The following FILIP1L variants were observed in gnomAD, a reference collection of about 807,000 sequenced individuals.
FILIP1L encodes filamin A-interacting protein 1-like.
Under a neutral mutation model 96.6 loss-of-function variants are expected in FILIP1L, and 55 were observed. The observed-to-expected ratio is 0.57, with a 90% CI of 0.46 to 0.71. The LOEUF (loss-of-function observed/expected upper bound fraction) is 0.71. FILIP1L is among the 30% of genes least tolerant of loss of function. The pLI is 0.00. For missense variants in FILIP1L, 1,304 were observed against 1,321.2 expected (o/e 0.99, Z 0.20); for synonymous variants, 467 against 473.9 (o/e 0.99, Z 0.19).
intron 1 of FILIP1L, among the ~76,000 whole-genome samples, chr3:99,973,312 C>T (rs1366023944): frequency 4.6e-5 from 7 of 152,124 alleles, no homozygotes; most frequent in Non-Finnish European, 1.5e-5. Context: ...GTTATAAGAA[C>T]ACTGATTTTC....
At chr3:99,872,146 G>C (rs1158898062) in intron 4 of FILIP1L, among the ~76,000 whole-genome samples, 1 of 152,154 alleles carries the variant, frequency 6.6e-6, no homozygotes, top group Non-Finnish European at 1.5e-5. Flanking sequence ...CCTCTGCATA[G>C]CTGTGTCTCT....
intron 4 of FILIP1L, among the ~76,000 whole-genome samples, chr3:99,878,502 T>C (rs1307895654): frequency 6.6e-6 from 1 of 152,226 alleles, no homozygotes; most frequent in African/African-American, 2.4e-5. Flanking sequence ...ATAAATAGTC[T>C]TGTCTTCTCC....
At chr3:100,034,176 TC>T (rs997775592) in intron 1 of FILIP1L, among the ~76,000 whole-genome samples, 3 of 152,194 alleles carry the variant, frequency 2.0e-5, no homozygotes, top group Non-Finnish European at 2.9e-5. Flanking sequence ...TGGGGAAAGT[TC>T]CTGATCTCTG....
intron 5 of FILIP1L, among the ~76,000 whole-genome samples, chr3:99,836,505 ACTC>A (rs1344216371): frequency 6.6e-6 from 1 of 152,108 alleles, no homozygotes; most frequent in African/African-American, 2.4e-5. Flanking sequence ...TGTTGATACT[ACTC>A]AAGTGCCTGA....
intron 1 of FILIP1L, among the ~76,000 whole-genome samples, chr3:99,966,136 T>G (rs1399195186): frequency 6.6e-6 from 1 of 152,158 alleles, no homozygotes; most frequent in Non-Finnish European, 1.5e-5. Context: ...TTAGGAAAGG[T>G]AAATAAAATG....
In FILIP1L at chr3:99,849,215, C is replaced by T. The variant is rs754793138; in HGVS notation, c.2461G>A (p.Ala821Thr). ...TCATATAACTGACCATTGATGACTG[C>T]ACGTTCCAGAGGAATGAGGCTCTTG... ...DYKSLIPLER[A>T]VINGQLYEES... The change falls in exon 5 of 6, where the codon GCA becomes ACA. Residue 821 changes from alanine (A) to threonine (T), a missense_variant. Physicochemically the swap from Ala to Thr is moderately conservative, Grantham distance 58. Coordinates refer to ENST00000477258, the MANE Select transcript of FILIP1L (RefSeq NM_001387850.1). 164 of 1,614,014 alleles carry T rather than the reference C, an allele frequency of 1.0e-4. No homozygotes were observed. The highest frequency in any genetic ancestry group is 1.4e-4 in the Non-Finnish European group (161 of 1,180,002).
intron 1 of FILIP1L, among the ~76,000 whole-genome samples, chr3:99,975,732 G>C (rs186051838): frequency 2.3e-4 from 35 of 152,308 alleles, no homozygotes; most frequent in Admixed American, 2.0e-3. Flanking sequence ...AAAGTCCTGA[G>C]TATATACTCA....
intron 4 of FILIP1L, among the ~76,000 whole-genome samples, chr3:99,896,879 T>C (rs533477568): frequency 1.1e-3 from 160 of 152,206 alleles, no homozygotes; most frequent in Non-Finnish European, 2.0e-3. Flanking sequence ...AACAAATCAG[T>C]GTATACAACG....
intron 5 of FILIP1L, among the ~76,000 whole-genome samples, chr3:99,844,975 A>G (rs957665094): frequency 6.6e-6 from 1 of 152,194 alleles, no homozygotes; most frequent in African/African-American, 2.4e-5. Context: ...TTTCTTCTTG[A>G]TAAATTACCC....
At chr3:100,092,097 A>G (rs1246007949) in intron 1 of FILIP1L, among the ~76,000 whole-genome samples, 1 of 152,184 alleles carries the variant, frequency 6.6e-6, no homozygotes, top group Non-Finnish European at 1.5e-5. Context: ...TTAAAAATGT[A>G]CTCTGTAAAG....
At chr3:100,012,006 A>G (rs1710170609) in intron 1 of FILIP1L, among the ~76,000 whole-genome samples, 1 of 152,200 alleles carries the variant, frequency 6.6e-6, no homozygotes, top group African/African-American at 2.4e-5. Context: ...TCCCATATCA[A>G]TTATCATTTA....
chr3:100,074,675 A>ATTTTTTTTTTTTTTTTTTTT lies in FILIP1L; in HGVS notation c.-11+39358_-11+39377dup, dbSNP rs555819875. On this transcript the variant is annotated intron_variant, in intron 1 of 5. Transcript: ENST00000477258. ...ATTTTCTATGCATGTGCAACATTTG[A>ATTTTTTTTTTTTTTTTTTTT]TTTTTTTTTTTTTTTTTTTTTTTTT... Among the ~76,000 whole-genome samples, 60 of 34,804 alleles carry ATTTTTTTTTTTTTTTTTTTT rather than the reference A, an allele frequency of 1.7e-3. 21 individuals carry two copies. Among genetic ancestry groups the ATTTTTTTTTTTTTTTTTTTT allele is most frequent in the Non-Finnish European group, 2.2e-3 (44 of 20,250 alleles). 22.8% of individuals were successfully genotyped at this position (34,804 alleles called of 152,430 possible). A position where few individuals can be genotyped will look rare whatever the true frequency, so the allele number is the denominator to read the frequency against.
intron 1 of FILIP1L, among the ~76,000 whole-genome samples, chr3:100,071,903 C>T (rs992584436): frequency 2.6e-5 from 4 of 152,186 alleles, no homozygotes; most frequent in African/African-American, 9.7e-5. Flanking sequence ...TTCAGGGGGA[C>T]TTTGCCATAT....
chr3:100,013,214 G>GTGTTGT (rs35047568), intron 1 of FILIP1L, among the ~76,000 whole-genome samples: 17,574 of 145,444 alleles, frequency 0.12, 1,109 homozygotes, highest in East Asian at 0.16. Flanking sequence ...GGCCAGTGAG[G>GTGTTGT]TGTTGTTGTT....
chr3:100,004,334 A>G (rs148946046), intron 1 of FILIP1L, among the ~76,000 whole-genome samples: 1 of 152,320 alleles, frequency 6.6e-6, no homozygotes, highest in East Asian at 1.9e-4. Context: ...GTAGCTGAAC[A>G]TATCTTCTAT....
chr3:99,836,317 C>T (rs1266690390), intron 5 of FILIP1L, among the ~76,000 whole-genome samples: 2 of 151,984 alleles, frequency 1.3e-5, no homozygotes, highest in Non-Finnish European at 2.9e-5. Flanking sequence ...TGAACCTGAG[C>T]AGTGGGGAAG....
intron 5 of FILIP1L, among the ~76,000 whole-genome samples, chr3:99,842,063 G>A (rs1009625383): frequency 6.6e-6 from 1 of 152,140 alleles, no homozygotes; most frequent in Non-Finnish European, 1.5e-5. Flanking sequence ...ATTCGCAATT[G>A]CAAAAATATG....
intron 1 of FILIP1L, among the ~76,000 whole-genome samples, chr3:100,048,247 T>C (rs1421661225): frequency 1.3e-5 from 2 of 152,220 alleles, no homozygotes; most frequent in South Asian, 4.1e-4. Context: ...CTAGGAAAAC[T>C]AGCAATAGAC....
intron 1 of FILIP1L, among the ~76,000 whole-genome samples, chr3:100,005,807 A>G (rs927361479): frequency 2.0e-5 from 3 of 152,176 alleles, no homozygotes; most frequent in Non-Finnish European, 2.9e-5. Flanking sequence ...ATTATTGCCC[A>G]AGAGAGGAAA....
Sources: gnomAD v4.1 joint callset for allele counts (sites outside exome capture counted in the v4.1 genomes callset) on GRCh38, gnomAD v4.1.1 for gene constraint, MANE v1.5 for transcripts, NCBI Gene and HGNC (gene_info 2026-07-23, HGNC 2026-07-21) for gene names.